NOXA1: variants seen among roughly 807,000 people sequenced by gnomAD.
NOXA1 encodes the protein NCF2-like protein.
A neutral mutation model predicts 64.8 loss-of-function variants in NOXA1; 56 were observed. That is an observed-to-expected ratio of 0.86 (90% CI 0.70 to 1.08). The LOEUF (loss-of-function observed/expected upper bound fraction) is 1.08. Among genes scored for constraint, NOXA1 ranks in the 50% least tolerant of loss-of-function variants. NOXA1 has a pLI of 0.00. For synonymous variants in NOXA1, 295 were observed against 294.8 expected (o/e 1.00, Z -0.01); for missense variants, 668 against 658.5 (o/e 1.01, Z -0.16).
At position 137,434,073 on chromosome 9, in the gene NOXA1, TG is replaced by T; in HGVS notation, c.1289del (p.Cys430LeufsTer?). 1 of 1,583,448 alleles carries T rather than the reference TG, an allele frequency of 6.3e-7. No individual in the cohort carries two copies. The highest frequency in any genetic ancestry group is 8.6e-7 in the Non-Finnish European group (1 of 1,169,584). Reference sequence around the variant, plus strand: ...ACAGGGGGACACGGTGGACGTCCTGTGTGAAGGTAGGGTGGGCATGGCCCTT... The same window carrying T: ...ACAGGGGGACACGGTGGACGTCCTGTTGAAGGTAGGGTGGGCATGGCCCTT... ...FRQGDTVDVL[C>X]EVDQAWLEGH... is the part of the protein sequence containing the mutation. On this transcript the variant is annotated frameshift_variant, in exon 13 of 14. Transcript: ENST00000683555. LOFTEE classifies it low-confidence loss of function (END_TRUNC).
intron 5 of NOXA1, 97 bp from the exon 6 acceptor site, chr9:137,430,687 G>A (rs1839071886): frequency 9.4e-7 from 1 of 1,068,104 alleles, no homozygotes; most frequent in East Asian, 2.8e-5. Flanking sequence ...CCAGCCCCCG[G>A]GGACTTAGAG....
At chr9:137,429,854 G>C (rs1197264092) in intron 5 of NOXA1, among the ~76,000 whole-genome samples, 7 of 101,542 alleles carry the variant, frequency 6.9e-5, no homozygotes, top group East Asian at 3.6e-4. Flanking sequence ...GGTCCCGGGG[G>C]GGGGGGGTCC....
chr9:137,431,479 G>A lies in NOXA1; in HGVS notation c.804+138G>A. The A allele has an allele frequency of 1.4e-6, 1 of 724,802 alleles. No individual in the cohort carries two copies. Among genetic ancestry groups the A allele is most frequent in the East Asian group, 2.7e-5 (1 of 36,864 alleles). The allele number at this position is 724,802 out of a possible 1,614,324, so 44.9% of individuals were successfully genotyped here. On this transcript the variant is annotated intron_variant, in intron 8 of 13. Coordinates refer to ENST00000683555, the MANE Select transcript of NOXA1 (RefSeq NM_001256067.2). This position sits in a 1 kb window ranked among gnomAD's most constrained non-coding sequence, Gnocchi z 5.6. The stretch of plus-strand genomic sequence containing the variant: ...GTAGACGGGGCCGGGCTCACCCGTG[G>A]TCCTGGCCCAGCCCAGCCAGATGGG...
chr9:137,426,378 C>A, intron 2 of NOXA1, 48 bp downstream of exon 2: 1 of 1,493,916 alleles, frequency 6.7e-7, no homozygotes, highest in Non-Finnish European at 9.3e-7. Flanking sequence ...CTTTGTCTCC[C>A]TGCAGAGTCC....
At position 137,433,981 on chromosome 9, in the gene NOXA1, C is replaced by T. The variant is rs1312049956; in HGVS notation, c.1196C>T (p.Pro399Leu). The change falls in exon 13 of 14, where the codon CCG (proline) becomes CTG (leucine). Residue 399 changes from proline to leucine, a missense_variant. By Grantham distance (98) the Pro-to-Leu change is moderately conservative (BLOSUM62 -3). Coordinates refer to ENST00000683555, the MANE Select transcript of NOXA1 (RefSeq NM_001256067.2). ...CTGCCTCAGGGAGCCGGGGGTCGGC[C>T]GGTCCTCTACCAGGTGGTGGCCCAG... is the stretch of plus-strand genomic sequence containing the variant. The part of the protein sequence containing the change: ...QLQCRGAGGR[P>L]VLYQVVAQHS... 7 of 1,552,040 alleles carry T rather than the reference C, an allele frequency of 4.5e-6. No individual in the cohort carries two copies. In the South Asian group the frequency reaches 4.7e-5, roughly 10 times the overall value.
chr9:137,425,330 C>G (rs1230817186), intron 1 of NOXA1, among the ~76,000 whole-genome samples: 10 of 152,192 alleles, frequency 6.6e-5, no homozygotes, highest in Non-Finnish European at 1.3e-4. Context: ...GTTGTTCTTT[C>G]TGATTCTAAT....
rs1203086441 is a variant in NOXA1, at chr9:137,428,057, C to G, written c.285C>G (p.Phe95Leu). Residue 95 changes from phenylalanine to leucine, a missense_variant, in exon 3 of 14, where the codon TTC (phenylalanine) becomes TTG (leucine). Physicochemically the swap from Phe to Leu is conservative, Grantham distance 22. Transcript: ENST00000683555. ...LARFQEALSD[F>L]WLALEQLRGH... ...GGTTCCAGGAGGCTCTGTCTGACTT[C>G]TGGCTGGCCCTGGAGCAGCTGAGGG... is the stretch of plus-strand genomic sequence containing the variant. 3.2e-6 allele frequency: 5 copies of G among 1,582,388 alleles called. No individual in the cohort carries two copies. The highest frequency in any genetic ancestry group is 4.3e-6 in the Non-Finnish European group (5 of 1,165,558).
At chr9:137,434,155 G>A in intron 13 of NOXA1, 69 bp from the exon 14 acceptor site, 1 of 1,580,562 alleles carries the variant, frequency 6.3e-7, no homozygotes, top group Non-Finnish European at 8.6e-7. Context: ...GGCCTGTGCT[G>A]TGAGCAGACG....
intron 2 of NOXA1, among the ~76,000 whole-genome samples, chr9:137,426,556 C>T (rs1838854748): frequency 6.6e-6 from 1 of 152,152 alleles, no homozygotes. Flanking sequence ...GGGCTCTCTG[C>T]ACCATGTCCC....
At chr9:137,427,762 T>C (rs1285420344) in intron 2 of NOXA1, among the ~76,000 whole-genome samples, 1 of 152,078 alleles carries the variant, frequency 6.6e-6, no homozygotes, top group Non-Finnish European at 1.5e-5. Flanking sequence ...AAGAGAGGCT[T>C]GGGGGCGGGC....
chr9:137,431,415 G>A lies in NOXA1; in HGVS notation c.804+74G>A. The stretch of plus-strand genomic sequence containing the variant: ...GCCTCCGCAGACTGGGGACCACAAT[G>A]GGACCAACATGAGGGTGGAGGGAGC... On this transcript the variant is annotated intron_variant, in intron 8 of 13. Coordinates refer to ENST00000683555, the MANE Select transcript of NOXA1 (RefSeq NM_001256067.2). The surrounding 1 kb of genome is among the most constrained non-coding windows in gnomAD (Gnocchi z 5.6). 2 of 1,237,420 alleles carry A rather than the reference G, an allele frequency of 1.6e-6. No individual in the cohort carries two copies. Among genetic ancestry groups the A allele is most frequent in the Non-Finnish European group, 2.3e-6 (2 of 858,940 alleles). The allele number at this position is 1,237,420 out of a possible 1,614,324, so 76.7% of individuals were successfully genotyped here.
intron 2 of NOXA1, among the ~76,000 whole-genome samples, chr9:137,426,922 G>A (rs936465535): frequency 6.6e-5 from 10 of 152,066 alleles, no homozygotes; most frequent in East Asian, 1.9e-4. Flanking sequence ...TTAGCCTCCC[G>A]GGTAGCTGGG....
intron 8 of NOXA1, among the ~76,000 whole-genome samples, chr9:137,432,278 T>TAAAAAAAAAAAAAAAAAA (rs1410283327): frequency 9.1e-6 from 1 of 110,302 alleles, no homozygotes. Context: ...AGACCCTGTC[T>TAAAAAAAAAAAAAAAAAA]CAAAAAAAAA....
At position 137,434,059 on chromosome 9, in the gene NOXA1, C is replaced by T. The variant is rs765798893; in HGVS notation, c.1274C>T (p.Thr425Met). 59 of 1,578,792 alleles carry T rather than the reference C, an allele frequency of 3.7e-5. No homozygotes were observed. The Middle Eastern group carries it at 5.0e-4, about 13-fold the overall frequency. Residue 425 changes from threonine (T) to methionine (M), a missense_variant, in exon 13 of 14, where the codon ACG becomes ATG. Coordinates refer to ENST00000683555, the MANE Select transcript of NOXA1 (RefSeq NM_001256067.2). ...PEDLGFRQGD[T>M]VDVLCEVDQA... The stretch of plus-strand genomic sequence containing the variant: ...GACCTGGGCTTCCGACAGGGGGACA[C>T]GGTGGACGTCCTGTGTGAAGGTAGG...
At chr9:137,424,682 C>A (rs1838766161) in intron 1 of NOXA1, among the ~76,000 whole-genome samples, 1 of 152,214 alleles carries the variant, frequency 6.6e-6, no homozygotes, top group Admixed American at 6.5e-5. Context: ...AGGTGATCCA[C>A]CCTCCTCGGC....
At position 137,433,555 on chromosome 9, in the gene NOXA1, C is replaced by T. The variant is rs941925149; in HGVS notation, c.1012C>T (p.Arg338Trp). 3.0e-5 allele frequency: 47 copies of T among 1,573,530 alleles called. No homozygotes were observed. Among genetic ancestry groups the T allele is most frequent in the Admixed American group, 1.1e-4 (6 of 54,048 alleles). ...ARRGADLSSLRALLGQALPHQ... is the reference protein window; with the variant it reads ...ARRGADLSSLWALLGQALPHQ... Reference sequence around the variant, plus strand: ...AAGAGGAGCCGACCTGTCCAGCCTGCGGGCACTGCTGGGCCAAGCCCTCCC... The same window carrying T: ...AAGAGGAGCCGACCTGTCCAGCCTGTGGGCACTGCTGGGCCAAGCCCTCCC... The change falls in exon 11 of 14, where the codon CGG (arginine) becomes TGG (tryptophan). Residue 338 changes from arginine (R) to tryptophan (W), a missense_variant. Physicochemically the swap from Arg to Trp is moderately radical, Grantham distance 101. Coordinates refer to ENST00000683555, the MANE Select transcript of NOXA1 (RefSeq NM_001256067.2).
At chr9:137,423,982 G>A (rs1350395253) in intron 1 of NOXA1, among the ~76,000 whole-genome samples, 1 of 152,202 alleles carries the variant, frequency 6.6e-6, no homozygotes, top group Admixed American at 6.5e-5. Flanking sequence ...GGACCGCCCT[G>A]CCCTAAGGGG....
Position 137,431,078 on chromosome 9 carries a change from C to G in NOXA1, c.676C>G (p.Pro226Ala). Residue 226 changes from proline (P) to alanine (A), a missense_variant, in exon 7 of 14, where the codon CCA (proline) becomes GCA (alanine). Coordinates refer to ENST00000683555, the MANE Select transcript of NOXA1 (RefSeq NM_001256067.2). The surrounding 1 kb of genome is among the most constrained non-coding windows in gnomAD (Gnocchi z 5.6). ...GGTTGTTGCTTTGTGTCCACAGGGA[C>G]CAGGAGCGAACCATGATGCCAGGTA... ...WGVRPQQPQG[P>A]GANHDARSLI... 1 of 1,613,284 alleles carries G rather than the reference C, an allele frequency of 6.2e-7. No homozygotes were observed. The highest frequency in any genetic ancestry group is 8.5e-7 in the Non-Finnish European group (1 of 1,179,992).
At position 137,430,374 on chromosome 9, in the gene NOXA1, A is replaced by G. The variant is rs114771780; in HGVS notation, c.613-410A>G. 5.1e-3 allele frequency among the ~76,000 whole-genome samples: 778 copies of G among 152,156 alleles called. 3 individuals carry two copies. Among genetic ancestry groups the G allele is most frequent in the African/African-American group, 0.018 (736 of 41,526 alleles). ...TCACCCTTGGCTGGCCACGCCCCGGACTGGCCACGCCCCATTGGCTGGCCA... is the reference window on the plus strand; with the variant it reads ...TCACCCTTGGCTGGCCACGCCCCGGGCTGGCCACGCCCCATTGGCTGGCCA... On this transcript the variant is annotated intron_variant, in intron 5 of 13. Coordinates refer to ENST00000683555, the MANE Select transcript of NOXA1 (RefSeq NM_001256067.2).
Sources: gnomAD v4.1 joint callset for allele counts (sites outside exome capture counted in the v4.1 genomes callset) on GRCh38, gnomAD v4.1.1 for gene constraint, Gnocchi (gnomAD v3.1) non-coding constraint, MANE v1.5 for transcripts, NCBI Gene and HGNC (gene_info 2026-07-23, HGNC 2026-07-21) for gene names.